The following ST6GALNAC5 variants were observed in gnomAD, a reference collection of about 807,000 sequenced individuals.
The protein encoded by ST6GALNAC5 is alpha-N-acetylgalactosaminide alpha-2,6-sialyltransferase 5.
ST6GALNAC5 carries 27 observed loss-of-function variants against 33.6 expected under a neutral mutation model. That is an observed-to-expected ratio of 0.80 (90% CI 0.59 to 1.11). The LOEUF is 1.11. Among genes scored for constraint, ST6GALNAC5 ranks in the 50% least tolerant of loss-of-function variants. The probability of loss-of-function intolerance (pLI) is 0.00; values close to 1 mark genes in which losing one functional copy is unlikely to be tolerated. For synonymous variants in ST6GALNAC5, 194 were observed against 171.2 expected, an observed-to-expected ratio of 1.13 and a Z score of -1.04; for missense variants, 428 against 454.0, an observed-to-expected ratio of 0.94 and a Z score of 0.52.
chr1:76,944,259 T>G (rs1277547526), intron 2 of ST6GALNAC5, among the ~76,000 whole-genome samples: 1 of 152,152 alleles, frequency 6.6e-6, no homozygotes, highest in Non-Finnish European at 1.5e-5. Flanking sequence ...AAAGAGAGAA[T>G]AGATGGTTAT....
intron 2 of ST6GALNAC5, among the ~76,000 whole-genome samples, chr1:77,005,902 A>G (rs1650392824): frequency 6.6e-6 from 1 of 152,204 alleles, no homozygotes. Context: ...AAGGCTAAAT[A>G]TGTTCTACTC....
At chr1:77,047,458 G>A (rs781470734) in intron 3 of ST6GALNAC5, among the ~76,000 whole-genome samples, 3 of 152,160 alleles carry the variant, frequency 2.0e-5, no homozygotes, top group African/African-American at 4.8e-5. Context: ...TCATGATCAG[G>A]ACTTTCCTTT....
chr1:77,044,523 A>T lies in ST6GALNAC5; in HGVS notation c.581A>T (p.Gln194Leu). 6.2e-7 allele frequency: 1 copy of T among 1,611,862 alleles called. No individual in the cohort carries two copies. The highest frequency in any genetic ancestry group is 8.5e-7 in the Non-Finnish European group (1 of 1,178,752). The stretch of plus-strand genomic sequence containing the variant: ...TACAACAACCTGCATCTCCTGAGCC[A>T]GGTGCTGCCCCGGCTGAAGGCCTTC... ...QVYNNLHLLS[Q>L]VLPRLKAFMI... The change falls in exon 3 of 5, where the codon CAG (glutamine) becomes CTG (leucine). Residue 194 changes from glutamine to leucine, a missense_variant. Physicochemically the swap from Gln to Leu is moderately radical, Grantham distance 113 (BLOSUM62 -2). Transcript: ENST00000477717.
rs190644069 is a variant in ST6GALNAC5 at position 77,019,507 on chromosome 1, A to C, written c.262-24697A>C. ...GGAAGTGGAGAGCTCAAAGCAGTTC[A>C]TGCAGGCAATTCCTCCAAAAAGTTC... On this transcript the variant is annotated intron_variant, in intron 2 of 4. Coordinates refer to ENST00000477717, the MANE Select transcript of ST6GALNAC5 (RefSeq NM_030965.3). 5.1e-4 allele frequency among the ~76,000 whole-genome samples: 77 copies of C among 152,362 alleles called. 1 individual carries two copies. The highest frequency in any genetic ancestry group is 1.7e-3 in the African/African-American group (72 of 41,588).
rs1327228505 is a variant in ST6GALNAC5 at position 76,868,144 on chromosome 1, C to G, written c.16-353C>G. Among the ~76,000 whole-genome samples, 1 of 152,188 alleles carries G rather than the reference C, an allele frequency of 6.6e-6. No homozygotes were observed. The highest frequency in any genetic ancestry group is 1.5e-5 in the Non-Finnish European group (1 of 68,028). On this transcript the variant is annotated intron_variant, in intron 1 of 4. Transcript: ENST00000477717. The surrounding 1 kb of genome is among the most constrained non-coding windows in gnomAD (Gnocchi z 4.3). ...GGAGGGGTGTGAAGGACTCAAAATT[C>G]CAGCAGCTTGGCTGGGGTGGCTGCG...
intron 2 of ST6GALNAC5, among the ~76,000 whole-genome samples, chr1:77,016,223 TCC>T (rs1482947703): frequency 3.5e-5 from 3 of 86,614 alleles, no homozygotes; most frequent in African/African-American, 9.6e-5. Flanking sequence ...CTCCTGTATC[TCC>T]TCCCCCTCCT....
intron 2 of ST6GALNAC5, among the ~76,000 whole-genome samples, chr1:77,023,848 G>A (rs191590095): frequency 9.2e-5 from 14 of 152,304 alleles, no homozygotes; most frequent in African/African-American, 3.1e-4. Flanking sequence ...TCTCAAAGGG[G>A]CCGGATGGGG....
intron 2 of ST6GALNAC5, among the ~76,000 whole-genome samples, chr1:76,991,201 C>CTTTTATTCAGAATAAAA (rs941906700): frequency 6.6e-6 from 1 of 152,138 alleles, no homozygotes; most frequent in Non-Finnish European, 1.5e-5. Context: ...CCACCAATTG[C>CTTTTATTCAGAATAAAA]TTTTATTCAG....
Position 76,868,700 on chromosome 1 carries a change from A to G in ST6GALNAC5, c.219A>G (p.Gly73=), listed in dbSNP as rs1216368708. 1 of 1,535,676 alleles carries G rather than the reference A, an allele frequency of 6.5e-7. No homozygotes were observed. The highest frequency in any genetic ancestry group is 8.8e-7 in the Non-Finnish European group (1 of 1,142,032). ...AGCAGCGCCCCGGGGTCCCCGCGGG[A>G]CCGCGGCCACTGGACGGATACCTCG... ...STQQRPGVPA[G]PRPLDGYLGV... The change falls in exon 2 of 5, where the codon GGA becomes GGG. Residue 73 remains glycine (G), a synonymous_variant. Coordinates refer to ENST00000477717, the MANE Select transcript of ST6GALNAC5 (RefSeq NM_030965.3). This position sits in a 1 kb window ranked among gnomAD's most constrained non-coding sequence, Gnocchi z 4.3.
intron 2 of ST6GALNAC5, among the ~76,000 whole-genome samples, chr1:76,898,645 A>G (rs1370442825): frequency 6.6e-6 from 1 of 151,996 alleles, no homozygotes; most frequent in African/African-American, 2.4e-5. Flanking sequence ...GATTTGGGAG[A>G]GGTCAGATAA....
At chr1:76,899,660 C>A (rs908276065) in intron 2 of ST6GALNAC5, among the ~76,000 whole-genome samples, 1 of 152,042 alleles carries the variant, frequency 6.6e-6, no homozygotes, top group Non-Finnish European at 1.5e-5. Context: ...TGACTGGTGC[C>A]GGAGTTTTGG....
At chr1:77,050,479 T>A in intron 4 of ST6GALNAC5, 114 bp downstream of exon 4, 1 of 905,764 alleles carries the variant, frequency 1.1e-6, no homozygotes. Flanking sequence ...AAGCAATTAA[T>A]TAGCATGTCC....
intron 2 of ST6GALNAC5, among the ~76,000 whole-genome samples, chr1:76,926,400 G>C (rs1557725555): frequency 6.6e-6 from 1 of 151,992 alleles, no homozygotes; most frequent in Non-Finnish European, 1.5e-5. Flanking sequence ...TACACACACA[G>C]GTATCTCTGT....
At chr1:77,002,249 T>A (rs1650200791) in intron 2 of ST6GALNAC5, among the ~76,000 whole-genome samples, 1 of 152,248 alleles carries the variant, frequency 6.6e-6, no homozygotes, top group Admixed American at 6.5e-5. Flanking sequence ...ATTTATCCAT[T>A]TCTTCTAGAT....
chr1:76,910,048 A>C (rs2100278228), intron 2 of ST6GALNAC5, among the ~76,000 whole-genome samples: 1 of 152,162 alleles, frequency 6.6e-6, no homozygotes, highest in East Asian at 1.9e-4. Context: ...AATTTTAAGG[A>C]AAAATAACTT....
chr1:76,895,638 A>G (rs966997761), intron 2 of ST6GALNAC5, among the ~76,000 whole-genome samples: 1 of 152,208 alleles, frequency 6.6e-6, no homozygotes, highest in Non-Finnish European at 1.5e-5. Context: ...TCAAGAGTTA[A>G]GAGTGGCAGT....
intron 2 of ST6GALNAC5, among the ~76,000 whole-genome samples, chr1:76,913,431 C>A (rs540266847): frequency 2.6e-5 from 4 of 151,672 alleles, no homozygotes; most frequent in Non-Finnish European, 5.9e-5. Flanking sequence ...ATCTTTGTGG[C>A]GTTCTCTGTA....
chr1:76,987,285 C>A (rs541530127), intron 2 of ST6GALNAC5, among the ~76,000 whole-genome samples: 43 of 152,206 alleles, frequency 2.8e-4, no homozygotes, highest in African/African-American at 1.0e-3. Flanking sequence ...CAAAGGATTT[C>A]AACCAACATT....
At chr1:76,917,690 T>C (rs757538877) in intron 2 of ST6GALNAC5, among the ~76,000 whole-genome samples, 68 of 152,016 alleles carry the variant, frequency 4.5e-4, no homozygotes, top group African/African-American at 1.5e-3. Flanking sequence ...GTATTTATTA[T>C]AAATAATTGG....
Sources: allele counts gnomAD v4.1 joint callset (sites outside exome capture counted in the v4.1 genomes callset), GRCh38; gene constraint gnomAD v4.1.1; non-coding constraint Gnocchi (gnomAD v3.1); transcripts MANE v1.5; gene names NCBI Gene and HGNC (gene_info 2026-07-23, HGNC 2026-07-21).